PSME4: variants seen among roughly 807,000 people sequenced by gnomAD.
The protein encoded by PSME4 is proteasome activator complex subunit 4.
A neutral mutation model predicts 253.9 loss-of-function variants in PSME4; 89 were observed. The observed-to-expected ratio is 0.35, with a 90% CI of 0.30 to 0.42. PSME4 has a LOEUF of 0.42. PSME4 is among the 10% of genes least tolerant of loss of function. The pLI is 1.00. For missense variants in PSME4, 2,014 were observed against 2,195.2 expected (o/e 0.92, Z 1.65); for synonymous variants, 851 against 759.2 (o/e 1.12, Z -1.99).
rs1490241105 is a variant in PSME4 at position 53,939,894 on chromosome 2, C to T, written c.545+62G>A. On this transcript the variant is annotated intron_variant, in intron 4 of 46. Transcript: ENST00000404125. Reference sequence around the variant, plus strand: ...CTTTTCATTTCCTTTTCAAACCATACTAAAGATGTGGAAAAGCCCACAGAA... The same window carrying T: ...CTTTTCATTTCCTTTTCAAACCATATTAAAGATGTGGAAAAGCCCACAGAA... 12 of 1,404,910 alleles carry T rather than the reference C, an allele frequency of 8.5e-6. No individual in the cohort carries two copies. The East Asian group carries it at 2.1e-4, about 25-fold the overall frequency. 87.0% of individuals were successfully genotyped at this position (1,404,910 alleles called of 1,614,324 possible). A position where few individuals can be genotyped will look rare whatever the true frequency, so the allele number is the denominator to read the frequency against.
intron 33 of PSME4, 89 bp downstream of exon 33, chr2:53,895,494 A>C (rs919385456): frequency 1.6e-6 from 2 of 1,287,928 alleles, no homozygotes; most frequent in South Asian, 3.0e-5. Context: ...AGAACCTTCA[A>C]GTGCCTCTGA....
chr2:53,896,907 C>T (rs777789115), intron 31 of PSME4, 22 bp from the exon 32 acceptor site: 19 of 1,565,396 alleles, frequency 1.2e-5, no homozygotes. Context: ...AAAAGGTACA[C>T]ATTCATAAAA....
intron 27 of PSME4, 110 bp from the exon 28 acceptor site, chr2:53,901,669 C>T (rs986692898): frequency 9.0e-6 from 7 of 780,488 alleles, no homozygotes; most frequent in Non-Finnish European, 1.2e-5. Flanking sequence ...TACTTAAATG[C>T]TTAATATTGG....
Position 53,887,878 on chromosome 2 carries a change from A to T in PSME4, c.4500T>A (p.Asn1500Lys). 6.2e-7 allele frequency: 1 copy of T among 1,600,312 alleles called. No individual in the cohort carries two copies. Among genetic ancestry groups the T allele is most frequent in the Non-Finnish European group, 8.6e-7 (1 of 1,167,718 alleles). Residue 1500 changes from asparagine (N) to lysine (K), a missense_variant, in exon 39 of 47, where the codon AAT (asparagine) becomes AAA (lysine). Asn to Lys is a moderately conservative substitution (Grantham distance 94). This residue lies in a region of PSME4 where 403 missense variants were observed against 556.1 expected (regional missense o/e 0.72). Transcript: ENST00000404125. ...CCTACCTTCCTATTCTTTCTCTGAC[A>T]TTTTTGTAAACCTGGGTGAGTTTGG... ...LEPKLTQVYK[N>K]VRERIGSVLT...
intron 20 of PSME4, 146 bp from the exon 21 acceptor site, chr2:53,910,276 T>C: frequency 5.9e-6 from 4 of 679,364 alleles, no homozygotes; most frequent in African/African-American, 1.8e-5. Flanking sequence ...ATGGGAAAAA[T>C]CAATCTATCT....
At chr2:53,882,103 T>TA (rs1679414982) in intron 41 of PSME4, among the ~76,000 whole-genome samples, 1 of 152,012 alleles carries the variant, frequency 6.6e-6, no homozygotes, top group African/African-American at 2.4e-5. Context: ...ATAGGATAAA[T>TA]AAGATTTTTA....
At chr2:53,915,650 C>T (rs1295880629) in intron 20 of PSME4, among the ~76,000 whole-genome samples, 1 of 151,904 alleles carries the variant, frequency 6.6e-6, no homozygotes, top group East Asian at 1.9e-4. Flanking sequence ...TCACTGTACT[C>T]TTCTTCCAGA....
intron 39 of PSME4, 56 bp downstream of exon 39, chr2:53,887,802 T>G: frequency 7.0e-7 from 1 of 1,435,188 alleles, no homozygotes; most frequent in African/African-American, 1.4e-5. Flanking sequence ...TATTACAATT[T>G]AAAAAAAAAC....
Position 53,866,093 on chromosome 2 carries a change from G to A in PSME4, c.5528C>T (p.Ala1843Val), listed in dbSNP as rs762522097. ...TDLLVSPCYYA is the reference protein window; with the variant it reads ...TDLLVSPCYYV Reference sequence around the variant, plus strand: ...GAACTTTGCTGACTTACCTTTCTATGCATAATAGCATGGTGACACAAGAAG... The same window carrying A: ...GAACTTTGCTGACTTACCTTTCTATACATAATAGCATGGTGACACAAGAAG... The change falls in exon 46 of 47, where the codon GCA (alanine) becomes GTA (valine). Residue 1843 changes from alanine to valine, a missense_variant. Ala to Val is a moderately conservative substitution (Grantham distance 64). This residue lies in a region of PSME4 where 403 missense variants were observed against 556.1 expected (regional missense o/e 0.72). Coordinates refer to ENST00000404125, the MANE Select transcript of PSME4 (RefSeq NM_014614.3). The A allele has an allele frequency of 3.7e-6, 6 of 1,611,492 alleles. No individual in the cohort carries two copies. Among genetic ancestry groups the A allele is most frequent in the Non-Finnish European group, 4.2e-6 (5 of 1,178,028 alleles).
At chr2:53,963,025 AG>A (rs1350037997) in intron 1 of PSME4, among the ~76,000 whole-genome samples, 1 of 151,258 alleles carries the variant, frequency 6.6e-6, no homozygotes, top group Non-Finnish European at 1.5e-5. Flanking sequence ...AAAAAAAAAA[AG>A]GACACATACC....
At chr2:53,892,243 A>T (rs924391767) in intron 36 of PSME4, among the ~76,000 whole-genome samples, 1 of 152,222 alleles carries the variant, frequency 6.6e-6, no homozygotes, top group Non-Finnish European at 1.5e-5. Flanking sequence ...CCTTATGCTC[A>T]GGTGGTCCTG....
At chr2:53,954,848 AT>A (rs1307382547) in intron 1 of PSME4, among the ~76,000 whole-genome samples, 1 of 151,756 alleles carries the variant, frequency 6.6e-6, no homozygotes, top group Non-Finnish European at 1.5e-5. Flanking sequence ...AAAAAAAAAA[AT>A]AACAATAATA....
intron 26 of PSME4, 88 bp from the exon 27 acceptor site, chr2:53,904,244 A>G: frequency 3.1e-6 from 4 of 1,302,948 alleles, no homozygotes; most frequent in Non-Finnish European, 3.2e-6. Flanking sequence ...AGTAATGATA[A>G]TTTACATGTT....
In PSME4 at chr2:53,888,577, A is replaced by G. The variant is rs1022853798; in HGVS notation, c.4388+144T>C. ...TAACTCTTATTAAGTATCACATGTTATATGGAACCAGATCACATCACCTTC... is the reference window on the plus strand; with the variant it reads ...TAACTCTTATTAAGTATCACATGTTGTATGGAACCAGATCACATCACCTTC... On this transcript the variant is annotated intron_variant, in intron 38 of 46. Coordinates refer to ENST00000404125, the MANE Select transcript of PSME4 (RefSeq NM_014614.3). The G allele has an allele frequency of 5.5e-4, 294 of 535,824 alleles. 1 individual carries two copies. The highest frequency in any genetic ancestry group is 1.2e-4 in the Non-Finnish European group (38 of 309,118). 33.2% of individuals were successfully genotyped at this position (535,824 alleles called of 1,614,324 possible).
chr2:53,939,072 C>T (rs938076276), intron 4 of PSME4, among the ~76,000 whole-genome samples: 2 of 152,258 alleles, frequency 1.3e-5, no homozygotes, highest in African/African-American at 2.4e-5. Flanking sequence ...GTAACTGCCT[C>T]GCATAAAATG....
chr2:53,898,216 T>C lies in PSME4; in HGVS notation c.3476+85A>G, dbSNP rs868377159. The C allele has an allele frequency of 2.2e-5, 29 of 1,309,714 alleles. 3 individuals carry two copies. The Middle Eastern group carries it at 3.6e-3, about 161-fold the overall frequency. The allele number at this position is 1,309,714 out of a possible 1,614,324, so 81.1% of individuals were successfully genotyped here. On this transcript the variant is annotated intron_variant, in intron 30 of 46. Transcript: ENST00000404125. ...AACCGGAATATAACTTTTTGTGACA[T>C]AGTCATTCATAGCCTTCCATGTAGA... is the stretch of plus-strand genomic sequence containing the variant.
intron 21 of PSME4, among the ~76,000 whole-genome samples, chr2:53,909,233 C>T (rs964558012): frequency 5.9e-5 from 9 of 151,958 alleles, no homozygotes; most frequent in African/African-American, 1.5e-4. Flanking sequence ...TTGTGGGTGA[C>T]GTAAATCAAG....
chr2:53,944,459 C>T (rs1669609271), intron 3 of PSME4, among the ~76,000 whole-genome samples: 1 of 151,730 alleles, frequency 6.6e-6, no homozygotes, highest in African/African-American at 2.4e-5. Flanking sequence ...CATGCCCAGC[C>T]GAATTTTGTT....
chr2:53,953,172 G>A (rs564707657), intron 1 of PSME4, among the ~76,000 whole-genome samples: 1 of 152,166 alleles, frequency 6.6e-6, no homozygotes, highest in South Asian at 2.1e-4. Flanking sequence ...AAAATATGGT[G>A]CAAGAGATTT....
Sources: gnomAD v4.1 joint callset for allele counts (sites outside exome capture counted in the v4.1 genomes callset) on GRCh38, gnomAD v4.1.1 for gene constraint, gnomAD v4.1.1 regional missense constraint, MANE v1.5 for transcripts, NCBI Gene and HGNC (gene_info 2026-07-23, HGNC 2026-07-21) for gene names.